EFCAB8: variants seen among roughly 807,000 people sequenced by gnomAD.
The protein encoded by EFCAB8 is EF-hand calcium-binding domain-containing protein 8.
EFCAB8 carries 100 observed loss-of-function variants against 116.3 expected under a neutral mutation model. The ratio of observed to expected loss-of-function variants is 0.86; its 90% CI spans 0.73 to 1.02. EFCAB8 has a LOEUF of 1.02. Ranked by LOEUF, EFCAB8 falls within the 50% of genes least tolerant of loss-of-function variation. The pLI is 0.00. For missense variants in EFCAB8, 1,320 were observed against 1,416.9 expected (o/e 0.93, Z 1.10); for synonymous variants, 558 against 567.9 (o/e 0.98, Z 0.25).
chr20:32,918,150 A>C (rs1987275115), intron 18 of EFCAB8, among the ~76,000 whole-genome samples: 1 of 152,228 alleles, frequency 6.6e-6, no homozygotes, highest in Non-Finnish European at 1.5e-5. Context: ...TCCTCATGGG[A>C]GCAGTGTCCT....
rs1485712278 is a variant in EFCAB8, at chr20:32,892,095, G to A, written c.674-118G>A. ...GAACAGCTGTCTGTGGTTGCCATGG[G>A]GGAAAAAGGGCTGAAGGGGCCAGAG... On this transcript the variant is annotated intron_variant, in intron 7 of 26. Coordinates refer to ENST00000400522, the MANE Select transcript of EFCAB8 (RefSeq NM_001143967.2). The A allele has an allele frequency of 4.5e-6, 4 of 883,540 alleles. No homozygotes were observed. The East Asian group carries it at 1.1e-4, about 24-fold the overall frequency. The allele number at this position is 883,540 out of a possible 1,614,324, so 54.7% of individuals were successfully genotyped here.
intron 5 of EFCAB8, among the ~76,000 whole-genome samples, chr20:32,884,507 A>G (rs1162652536): frequency 3.3e-4 from 50 of 152,212 alleles, no homozygotes; most frequent in Non-Finnish European, 2.9e-5. Flanking sequence ...TGGGCTGAGG[A>G]TAGGAGAGAG....
Position 32,858,996 on chromosome 20 carries a change from A to T in EFCAB8, c.-21A>T, listed in dbSNP as rs898332634. On this transcript the variant is annotated 5_prime_UTR_variant, in exon 1 of 27. Transcript: ENST00000400522. Reference sequence around the variant, plus strand: ...CAGCAAGATTAACTGAGGAGATCAAATTGAGTCAGGGTGAGTGAGGGTTTT... The same window carrying T: ...CAGCAAGATTAACTGAGGAGATCAATTTGAGTCAGGGTGAGTGAGGGTTTT... 17 of 471,070 alleles carry T rather than the reference A, an allele frequency of 3.6e-5. No homozygotes were observed. Among genetic ancestry groups the T allele is most frequent in the Non-Finnish European group, 6.2e-5 (14 of 227,056 alleles). 29.2% of individuals were successfully genotyped at this position (471,070 alleles called of 1,614,324 possible).
chr20:32,915,075 A>ATTTTTTTT (rs1568927489), intron 17 of EFCAB8, among the ~76,000 whole-genome samples: 2 of 151,928 alleles, frequency 1.3e-5, no homozygotes, highest in Non-Finnish European at 2.9e-5. Flanking sequence ...TTAAAAAAAA[A>ATTTTTTTT]ATTTTTTTAT....
At chr20:32,904,656 TTCTC>T (rs1986594540) in intron 11 of EFCAB8, among the ~76,000 whole-genome samples, 1 of 150,562 alleles carries the variant, frequency 6.6e-6, no homozygotes, top group Admixed American at 6.6e-5. Flanking sequence ...TACTGAGTCT[TTCTC>T]TGTCACCCAG....
At chr20:32,914,051 G>A (rs1987069875) in intron 17 of EFCAB8, among the ~76,000 whole-genome samples, 1 of 152,222 alleles carries the variant, frequency 6.6e-6, no homozygotes, top group African/African-American at 2.4e-5. Context: ...TGAGCCCCCT[G>A]GCCCTGTGGG....
In EFCAB8 at chr20:32,893,283, A is replaced by T. The variant is rs763080849; in HGVS notation, c.868A>T (p.Arg290Trp). The change falls in exon 9 of 27, where the codon AGG becomes TGG. Residue 290 changes from arginine (R) to tryptophan (W), a missense_variant. Physicochemically the swap from Arg to Trp is moderately radical, Grantham distance 101 (BLOSUM62 -3). Coordinates refer to ENST00000400522, the MANE Select transcript of EFCAB8 (RefSeq NM_001143967.2). Reference protein sequence around the residue: ...SGLFNPRILPRASKWDHWIKV... With the variant: ...SGLFNPRILPWASKWDHWIKV... ...GCTGTTCAACCCCCGTATCCTCCCC[A>T]GGGCCTCCAAGTGGGGTAGCTAAGA... 1 of 1,551,736 alleles carries T rather than the reference A, an allele frequency of 6.4e-7. No homozygotes were observed. The highest frequency in any genetic ancestry group is 2.0e-5 in the Admixed American group (1 of 50,990).
chr20:32,910,557 G>A (rs1986870952), intron 15 of EFCAB8, among the ~76,000 whole-genome samples: 1 of 152,142 alleles, frequency 6.6e-6, no homozygotes, highest in Non-Finnish European at 1.5e-5. Context: ...GCCTTGGGCT[G>A]CACAAGGCTG....
intron 20 of EFCAB8, among the ~76,000 whole-genome samples, chr20:32,927,010 C>T (rs1001013536): frequency 6.6e-6 from 1 of 151,988 alleles, no homozygotes; most frequent in Non-Finnish European, 1.5e-5. Context: ...ATTTATAGTC[C>T]TTTGGGTATA....
Position 32,927,580 on chromosome 20 carries a change from G to A in EFCAB8, c.2413-2818G>A, listed in dbSNP as rs892238833. ...GGCTGGTCTTGAACTCCTGACCTCAGGTGATCCACCCGCCTTGGCTTCCCA... is the reference window on the plus strand; with the variant it reads ...GGCTGGTCTTGAACTCCTGACCTCAAGTGATCCACCCGCCTTGGCTTCCCA... On this transcript the variant is annotated intron_variant, in intron 20 of 26. Coordinates refer to ENST00000400522, the MANE Select transcript of EFCAB8 (RefSeq NM_001143967.2). 5.3e-5 allele frequency among the ~76,000 whole-genome samples: 8 copies of A among 152,272 alleles called. No homozygotes were observed. In the South Asian group the frequency reaches 6.2e-4, roughly 12 times the overall value.
rs1334781809 is a variant in EFCAB8 at position 32,909,949 on chromosome 20, C to T, written c.1557+18C>T. 25 of 1,228,596 alleles carry T rather than the reference C, an allele frequency of 2.0e-5. No homozygotes were observed. Among genetic ancestry groups the T allele is most frequent in the Middle Eastern group, 2.4e-4 (1 of 4,142 alleles). 76.1% of individuals were successfully genotyped at this position (1,228,596 alleles called of 1,614,324 possible). ...TTAAGCAGGTGAGTGGCCCAGGGCTCGCCTCTGAGGCTGGCGGGAACACCA... is the reference window on the plus strand; with the variant it reads ...TTAAGCAGGTGAGTGGCCCAGGGCTTGCCTCTGAGGCTGGCGGGAACACCA... On this transcript the variant is annotated intron_variant, in intron 15 of 26. Coordinates refer to ENST00000400522, the MANE Select transcript of EFCAB8 (RefSeq NM_001143967.2).
At chr20:32,949,271 A>G (rs1247101973) in intron 23 of EFCAB8, among the ~76,000 whole-genome samples, 1 of 152,244 alleles carries the variant, frequency 6.6e-6, no homozygotes, top group Admixed American at 6.5e-5. Context: ...ACTACAAAAC[A>G]TTGCTGAGAC....
chr20:32,953,674 G>A lies in EFCAB8; in HGVS notation c.2960-4747G>A, dbSNP rs747189092. On this transcript the variant is annotated intron_variant, in intron 23 of 26. Coordinates refer to ENST00000400522, the MANE Select transcript of EFCAB8 (RefSeq NM_001143967.2). Reference sequence around the variant, plus strand: ...AAGTCTTTTGCCCATTTTCAAATTGGGTGTTGTTGTTTTTAAGTTGTAGGA... The same window carrying A: ...AAGTCTTTTGCCCATTTTCAAATTGAGTGTTGTTGTTTTTAAGTTGTAGGA... 1.6e-3 allele frequency among the ~76,000 whole-genome samples: 244 copies of A among 151,976 alleles called. 2 individuals carry two copies. The highest frequency in any genetic ancestry group is 2.6e-3 in the Non-Finnish European group (180 of 67,986).
chr20:32,903,481 G>A (rs973426661), intron 11 of EFCAB8: 8 of 152,198 alleles, frequency 5.3e-5, no homozygotes, highest in African/African-American at 1.7e-4. Flanking sequence ...CAGAAGCCTC[G>A]TGTCTGTGCC....
chr20:32,875,502 G>GTTTTTTTTTT lies in EFCAB8; in HGVS notation c.209-415_209-406dup, dbSNP rs57620114. Among the ~76,000 whole-genome samples, 249 of 89,846 alleles carry GTTTTTTTTTT rather than the reference G, an allele frequency of 2.8e-3. 16 individuals carry two copies. The highest frequency in any genetic ancestry group is 4.5e-3 in the Non-Finnish European group (176 of 38,692). The allele number at this position is 89,846 out of a possible 152,430, so 58.9% of individuals were successfully genotyped here. A position where few individuals can be genotyped will look rare whatever the true frequency, so the allele number is the denominator to read the frequency against. On this transcript the variant is annotated intron_variant, in intron 3 of 26. Transcript: ENST00000400522. ...CTGAGCACACCTGGTAAACATGGTG[G>GTTTTTTTTTT]TTTTTTTTTTTTTTTTTTGAGACAG...
intron 8 of EFCAB8, 67 bp downstream of exon 8, chr20:32,892,364 C>T: frequency 6.7e-7 from 1 of 1,490,102 alleles, no homozygotes; most frequent in Non-Finnish European, 9.1e-7. Context: ...AGCCGCATCA[C>T]TGACTAGGGT....
rs917425787 is a variant in EFCAB8 at position 32,929,356 on chromosome 20, C to T, written c.2413-1042C>T. ...TGGTTTTTGACCCTGGCACCGGGGC[C>T]AGTGGGAAGCAGGTTGAACAACTAA... On this transcript the variant is annotated intron_variant, in intron 20 of 26. Coordinates refer to ENST00000400522, the MANE Select transcript of EFCAB8 (RefSeq NM_001143967.2). Among the ~76,000 whole-genome samples, 163 of 152,130 alleles carry T rather than the reference C, an allele frequency of 1.1e-3. 1 individual carries two copies. Among genetic ancestry groups the T allele is most frequent in the African/African-American group, 3.8e-3 (156 of 41,516 alleles).
chr20:32,937,590 A>G (rs1051773714), intron 22 of EFCAB8, among the ~76,000 whole-genome samples: 3 of 152,182 alleles, frequency 2.0e-5, no homozygotes, highest in Admixed American at 6.5e-5. Context: ...AGATGGTTTC[A>G]CTGGTAAATT....
chr20:32,864,966 C>G (rs1406160945), intron 2 of EFCAB8, among the ~76,000 whole-genome samples: 2 of 152,180 alleles, frequency 1.3e-5, no homozygotes, highest in Admixed American at 1.3e-4. Flanking sequence ...GACTGTGGCT[C>G]TCTGTTTTGC....
Sources: allele counts gnomAD v4.1 joint callset (sites outside exome capture counted in the v4.1 genomes callset), GRCh38; gene constraint gnomAD v4.1.1; transcripts MANE v1.5; gene names NCBI Gene and HGNC (gene_info 2026-07-23, HGNC 2026-07-21).